Variants in ZMYND11 observed in about 807,000 individuals in gnomAD.
ZMYND11 encodes zinc finger MYND-type containing 11.
ZMYND11 carries 9 observed loss-of-function variants against 84.9 expected under a neutral mutation model. The ratio of observed to expected loss-of-function variants is 0.11; its 90% confidence interval spans 0.06 to 0.18. ZMYND11 has a LOEUF of 0.18. Ranked by LOEUF, ZMYND11 falls within the 10% of genes least tolerant of loss-of-function variation. The probability of loss-of-function intolerance (pLI) is 1.00; values close to 1 mark genes in which losing one functional copy is unlikely to be tolerated. For missense variants in ZMYND11, 409 were observed against 761.0 expected (o/e 0.54, Z 5.44); for synonymous variants, 250 against 244.1 (o/e 1.02, Z -0.23).
intron 4 of ZMYND11, among the ~76,000 whole-genome samples, chr10:224,162 G>A (rs1005509524): frequency 6.6e-6 from 1 of 152,120 alleles, no homozygotes; most frequent in Non-Finnish European, 1.5e-5. Flanking sequence ...CTCCCTTACA[G>A]TGTTGAAAAA....
At chr10:241,899 T>TAG in intron 9 of ZMYND11, 122 bp from the exon 10 acceptor site, 1 of 1,241,176 alleles carries the variant, frequency 8.1e-7, no homozygotes. Flanking sequence ...CGTATGTGTT[T>TAG]AGGAGTTATG....
intron 2 of ZMYND11, among the ~76,000 whole-genome samples, chr10:196,727 A>G (rs1019455174): frequency 1.1e-4 from 16 of 152,202 alleles, no homozygotes; most frequent in Non-Finnish European, 1.5e-5. Context: ...ACTGGAATTC[A>G]ATTTTAATAT....
Position 248,511 on chromosome 10 carries a change from A to G in ZMYND11, c.1403A>G (p.His468Arg), listed in dbSNP as rs757887360. The G allele has an allele frequency of 6.2e-7, 1 of 1,614,200 alleles. No individual in the cohort carries two copies. The highest frequency in any genetic ancestry group is 8.5e-7 in the Non-Finnish European group (1 of 1,180,038). ...GACGGCGTGTGTCAGAGCATGTGCC[A>G]TGACAAATACACCAAGATCTTCAAT... is the stretch of plus-strand genomic sequence containing the variant. ...TNDGVCQSMCHDKYTKIFNDF... is the reference protein window; with the variant it reads ...TNDGVCQSMCRDKYTKIFNDF... Residue 468 changes from histidine to arginine, a missense_variant, in exon 13 of 15, where the codon CAT (histidine) becomes CGT (arginine). Coordinates refer to ENST00000381604, the MANE Select transcript of ZMYND11 (RefSeq NM_001370100.5).
rs1482341386 is a variant in ZMYND11 at position 221,344 on chromosome 10, C to T, written c.426C>T (p.Cys142=). ...RLRDSSSPWQ[C]PVCRSIKKKN... is the part of the protein sequence containing the mutation. ...GAGACAGCAGTAGTCCCTGGCAGTGCCCAGTTTGCAGGGTGAGTACCTATG... is the reference window on the plus strand; with the variant it reads ...GAGACAGCAGTAGTCCCTGGCAGTGTCCAGTTTGCAGGGTGAGTACCTATG... The change falls in exon 4 of 15, where the codon TGC becomes TGT. Residue 142 remains cysteine, a synonymous_variant. Transcript: ENST00000381604. The T allele has an allele frequency of 6.2e-7, 1 of 1,613,394 alleles. No individual in the cohort carries two copies. The highest frequency in any genetic ancestry group is 8.5e-7 in the Non-Finnish European group (1 of 1,179,606).
At chr10:144,965 A>G (rs534710656) in intron 1 of ZMYND11, among the ~76,000 whole-genome samples, 3 of 151,068 alleles carry the variant, frequency 2.0e-5, no homozygotes, top group South Asian at 2.1e-4. Context: ...TCATGATACT[A>G]CTGTGTATGC....
At chr10:224,404 T>C (rs1947721125) in intron 4 of ZMYND11, among the ~76,000 whole-genome samples, 1 of 152,248 alleles carries the variant, frequency 6.6e-6, no homozygotes, top group African/African-American at 2.4e-5. Flanking sequence ...TTTTGCTTTA[T>C]GGACACAGTA....
chr10:176,762 A>T (rs1437718702), intron 1 of ZMYND11, among the ~76,000 whole-genome samples: 1 of 152,198 alleles, frequency 6.6e-6, no homozygotes, highest in Non-Finnish European at 1.5e-5. Flanking sequence ...AAATTGCATT[A>T]AAGTAGATCC....
intron 4 of ZMYND11, among the ~76,000 whole-genome samples, chr10:222,872 G>T (rs1447109097): frequency 6.6e-6 from 1 of 152,076 alleles, no homozygotes. Flanking sequence ...AAAATACTGG[G>T]ACTTCTGAGG....
chr10:241,808 T>G (rs1162867443), intron 9 of ZMYND11, among the ~76,000 whole-genome samples: 1 of 152,010 alleles, frequency 6.6e-6, no homozygotes, highest in East Asian at 1.9e-4. Context: ...CTTGCTCCAG[T>G]CCCGACCTCT....
chr10:236,271 T>C (rs11592316), intron 4 of ZMYND11, among the ~76,000 whole-genome samples: 6,365 of 152,320 alleles, frequency 0.042, 199 homozygotes, highest in Non-Finnish European at 0.069. Context: ...AGTTAGACTT[T>C]TTTGGTGCAA....
intron 4 of ZMYND11, among the ~76,000 whole-genome samples, chr10:227,545 TAAAG>T (rs1341808704): frequency 6.6e-6 from 1 of 151,848 alleles, no homozygotes; most frequent in African/African-American, 2.4e-5. Context: ...TTGAGATAGT[TAAAG>T]AAAAAAAAAT....
In ZMYND11 at chr10:210,038, G is replaced by T; in HGVS notation, c.266G>T (p.Gly89Val). ...GAACAAGAAGGATATTGGTTGCCAG[G>T]AGATGAGATTGTAAGTACATTTTAT... ...GIEQEGYWLPGDEIDWETENH... is the reference protein window; with the variant it reads ...GIEQEGYWLPVDEIDWETENH... Residue 89 changes from glycine (G) to valine (V), a missense_variant, in exon 3 of 15, where the codon GGA (glycine) becomes GTA (valine). Physicochemically the swap from Gly to Val is moderately radical, Grantham distance 109. This residue lies in a region of ZMYND11 where 73 missense variants were observed against 185.8 expected (regional missense o/e 0.39). Transcript: ENST00000381604. 3 of 1,614,010 alleles carry T rather than the reference G, an allele frequency of 1.9e-6. No homozygotes were observed. The highest frequency in any genetic ancestry group is 1.7e-6 in the Non-Finnish European group (2 of 1,179,918).
intron 5 of ZMYND11, 56 bp downstream of exon 5, chr10:236,971 T>TCATTCTTTC: frequency 6.6e-7 from 1 of 1,506,700 alleles, no homozygotes; most frequent in Non-Finnish European, 9.1e-7. Context: ...TTACTATGGT[T>TCATTCTTTC]CATTCTTTCA....
At chr10:202,380 C>T (rs951664248) in intron 2 of ZMYND11, among the ~76,000 whole-genome samples, 2 of 152,062 alleles carry the variant, frequency 1.3e-5, no homozygotes, top group African/African-American at 4.8e-5. Flanking sequence ...AGCAGGAAAA[C>T]ATAAATTCAT....
At chr10:212,020 T>C (rs1945329933) in intron 3 of ZMYND11, among the ~76,000 whole-genome samples, 2 of 152,170 alleles carry the variant, frequency 1.3e-5, no homozygotes, top group Admixed American at 6.5e-5. Flanking sequence ...AGTGATAATA[T>C]CCAAGATTTG....
intron 1 of ZMYND11, among the ~76,000 whole-genome samples, chr10:144,790 TTGG>T (rs1838349494): frequency 1.3e-5 from 2 of 149,906 alleles, no homozygotes; most frequent in Admixed American, 6.7e-5. Flanking sequence ...CAAGTGGTTT[TTGG>T]TTACATGGAT....
chr10:247,094 T>TA, intron 11 of ZMYND11, 121 bp downstream of exon 11: 1 of 1,094,848 alleles, frequency 9.1e-7, no homozygotes, highest in Non-Finnish European at 1.3e-6. Context: ...TTTACATTTG[T>TA]AAAGTGCTCT....
At chr10:140,115 A>T (rs1363128652) in intron 1 of ZMYND11, among the ~76,000 whole-genome samples, 8 of 152,114 alleles carry the variant, frequency 5.3e-5, no homozygotes, top group African/African-American at 1.9e-4. Context: ...ACACACACAC[A>T]CATACACACG....
At chr10:247,657 C>G (rs528922048) in intron 12 of ZMYND11, among the ~76,000 whole-genome samples, 191 bp downstream of exon 12, 1 of 152,300 alleles carries the variant, frequency 6.6e-6, no homozygotes, top group Non-Finnish European at 1.5e-5. Flanking sequence ...ATCTGTTACC[C>G]TGGAATAGCG....
Sources: allele counts gnomAD v4.1 joint callset (sites outside exome capture counted in the v4.1 genomes callset), GRCh38; gene constraint gnomAD v4.1.1; regional missense constraint gnomAD v4.1.1; transcripts MANE v1.5; gene names NCBI Gene and HGNC (gene_info 2026-07-23, HGNC 2026-07-21).